The following TMEM132B variants were observed in gnomAD, a reference collection of about 807,000 sequenced individuals.
TMEM132B encodes the protein transmembrane protein 132B.
TMEM132B carries 18 observed loss-of-function variants against 90.8 expected under a neutral mutation model. The ratio of observed to expected loss-of-function variants is 0.20; its 90% confidence interval spans 0.14 to 0.29. TMEM132B has a LOEUF of 0.29. Among genes scored for constraint, TMEM132B ranks in the 10% least tolerant of loss-of-function variants. The pLI, the probability that TMEM132B is intolerant of heterozygous loss-of-function variation, is 1.00. For synonymous variants in TMEM132B, 504 were observed against 523.3 expected, an observed-to-expected ratio of 0.96 and a Z score of 0.50; for missense variants, 1,096 against 1,326.8, an observed-to-expected ratio of 0.83 and a Z score of 2.70.
rs60316781 is a variant in TMEM132B, at chr12:125,277,502, AACAC to A, written c.68-71926_68-71923del. 5.4e-4 allele frequency among the ~76,000 whole-genome samples: 77 copies of A among 143,166 alleles called. No homozygotes were observed. The highest frequency in any genetic ancestry group is 7.2e-4 in the African/African-American group (27 of 37,380). 93.9% of individuals were successfully genotyped at this position (143,166 alleles called of 152,430 possible). ...TCAAAAAAAAAAGATGAAGAGGGAG[AACAC>A]ACACACACACACACACACACACATA... On this transcript the variant is annotated intron_variant, in intron 1 of 8. Coordinates refer to ENST00000682704, the MANE Select transcript of TMEM132B (RefSeq NM_001366854.1). The surrounding 1 kb of genome is among the most constrained non-coding windows in gnomAD (Gnocchi z 4.3).
At chr12:125,374,452 T>G (rs1035321719) in intron 2 of TMEM132B, among the ~76,000 whole-genome samples, 5 of 151,494 alleles carry the variant, frequency 3.3e-5, no homozygotes, top group Non-Finnish European at 7.4e-5. Flanking sequence ...GTTTTTCCTT[T>G]GTTTAGATAT....
intron 1 of TMEM132B, among the ~76,000 whole-genome samples, chr12:125,296,850 A>G (rs7956580): frequency 0.82 from 125,203 of 152,204 alleles, 51,698 homozygotes; most frequent in African/African-American, 0.88. Flanking sequence ...GTTAGGGATT[A>G]CAGCAAAAGG....
Position 125,481,932 on chromosome 12 carries a change from C to T in TMEM132B, c.1107-37507C>T, listed in dbSNP as rs1882054603. Among the ~76,000 whole-genome samples the T allele has an allele frequency of 2.6e-5, 4 of 152,096 alleles. No homozygotes were observed. In the South Asian group the frequency reaches 8.3e-4, roughly 32 times the overall value. ...ACAGACCAATGGAACAGAACAGAGGCCTCAGAAATAACACCGCACATCTAC... is the reference window on the plus strand; with the variant it reads ...ACAGACCAATGGAACAGAACAGAGGTCTCAGAAATAACACCGCACATCTAC... On this transcript the variant is annotated intron_variant, in intron 3 of 8. Transcript: ENST00000682704.
At position 125,241,007 on chromosome 12, in the gene TMEM132B, C is replaced by T. The variant is rs143827212; in HGVS notation, c.67+54141C>T. 5.3e-5 allele frequency among the ~76,000 whole-genome samples: 8 copies of T among 152,206 alleles called. No homozygotes were observed. In the South Asian group the frequency reaches 6.2e-4, roughly 12 times the overall value. ...TGAACGGTGGTGGGCGGGGGTAGGG[C>T]GAGTACCTCCTTTAAAACAACGATT... On this transcript the variant is annotated intron_variant, in intron 1 of 8. Coordinates refer to ENST00000682704, the MANE Select transcript of TMEM132B (RefSeq NM_001366854.1).
chr12:125,309,048 T>C (rs1013691814), intron 1 of TMEM132B, among the ~76,000 whole-genome samples: 1 of 152,256 alleles, frequency 6.6e-6, no homozygotes, highest in South Asian at 2.1e-4. Context: ...TCTTTTTACC[T>C]GCTGTGTAAT....
intron 3 of TMEM132B, among the ~76,000 whole-genome samples, chr12:125,437,444 G>A (rs767281869): frequency 6.6e-6 from 1 of 152,166 alleles, no homozygotes; most frequent in Non-Finnish European, 1.5e-5. Context: ...TTTTGGGTAG[G>A]TGCCTAGCAG....
rs1199273884 is a variant in TMEM132B, at chr12:125,598,767, G to A, written c.1437+14773G>A. 2.6e-5 allele frequency among the ~76,000 whole-genome samples: 4 copies of A among 152,260 alleles called. No individual in the cohort carries two copies. In the East Asian group the frequency reaches 5.8e-4, roughly 22 times the overall value. On this transcript the variant is annotated intron_variant, in intron 5 of 8. Coordinates refer to ENST00000682704, the MANE Select transcript of TMEM132B (RefSeq NM_001366854.1). ...TGAGCATTGCGCCTCAGAGTCTGAGGTAAAGATGTGTTAATCATGACTCCT... is the reference window on the plus strand; with the variant it reads ...TGAGCATTGCGCCTCAGAGTCTGAGATAAAGATGTGTTAATCATGACTCCT...
intron 1 of TMEM132B, among the ~76,000 whole-genome samples, chr12:125,304,767 G>A (rs1393265397): frequency 3.3e-5 from 5 of 152,116 alleles, no homozygotes; most frequent in Non-Finnish European, 7.4e-5. Flanking sequence ...GGAGTTCAAG[G>A]CTGTAGTGCA....
At chr12:125,652,375 C>T (rs192033056) in intron 7 of TMEM132B, 66 bp from the exon 8 acceptor site, 2 of 1,447,136 alleles carry the variant, frequency 1.4e-6, no homozygotes, top group Non-Finnish European at 1.8e-6. Context: ...GTTGGGAGCC[C>T]CAGTTAAGGG....
chr12:125,332,883 CAA>C (rs72136261), intron 1 of TMEM132B, among the ~76,000 whole-genome samples: 4,544 of 152,196 alleles, frequency 0.03, 217 homozygotes, highest in African/African-American at 0.1. Flanking sequence ...AGAAAGAGAA[CAA>C]AAGATATTCT....
chr12:125,526,649 T>G (rs1883470778), intron 4 of TMEM132B, among the ~76,000 whole-genome samples: 1 of 152,194 alleles, frequency 6.6e-6, no homozygotes, highest in Non-Finnish European at 1.5e-5. Context: ...TTGTGTTGGT[T>G]GCTGTTGACA....
At chr12:125,613,176 T>A (rs12302638) in intron 5 of TMEM132B, among the ~76,000 whole-genome samples, 12,149 of 41,520 alleles carry the variant, frequency 0.29, 3,213 homozygotes, top group African/African-American at 0.47. Context: ...ATATTATATA[T>A]AAATATATAT....
At chr12:125,480,030 G>A (rs1219365015) in intron 3 of TMEM132B, among the ~76,000 whole-genome samples, 1 of 152,170 alleles carries the variant, frequency 6.6e-6, no homozygotes, top group African/African-American at 2.4e-5. Context: ...ATGAAATGAA[G>A]ACAGAAATAA....
chr12:125,641,968 C>T (rs1183280560), intron 5 of TMEM132B, among the ~76,000 whole-genome samples: 3 of 152,192 alleles, frequency 2.0e-5, no homozygotes, highest in African/African-American at 7.2e-5. Flanking sequence ...GTATCCACTG[C>T]AGGTTTCTAA....
intron 2 of TMEM132B, among the ~76,000 whole-genome samples, chr12:125,377,617 G>A (rs976426434): frequency 1.3e-5 from 2 of 152,106 alleles, no homozygotes; most frequent in Admixed American, 6.5e-5. Context: ...CTGGCTCAGG[G>A]ATCTAATTAT....
At chr12:125,543,396 A>C (rs181019245) in intron 4 of TMEM132B, among the ~76,000 whole-genome samples, 1 of 152,380 alleles carries the variant, frequency 6.6e-6, no homozygotes, top group East Asian at 1.9e-4. Context: ...TATTTACATA[A>C]AATTTACATC....
At chr12:125,257,728 A>G (rs904732161) in intron 1 of TMEM132B, among the ~76,000 whole-genome samples, 6 of 152,178 alleles carry the variant, frequency 3.9e-5, no homozygotes, top group African/African-American at 7.2e-5. Flanking sequence ...TCAAAGTGTT[A>G]GAGGTGGGCA....
intron 5 of TMEM132B, among the ~76,000 whole-genome samples, chr12:125,621,446 G>C (rs887936205): frequency 5.3e-5 from 8 of 152,210 alleles, no homozygotes; most frequent in African/African-American, 1.9e-4. Flanking sequence ...ATGGGAGCGG[G>C]GCTTGAGGTT....
chr12:125,519,297 C>T (rs1592970573), intron 3 of TMEM132B, 142 bp from the exon 4 acceptor site: 1 of 828,708 alleles, frequency 1.2e-6, no homozygotes, highest in Non-Finnish European at 1.8e-6. Flanking sequence ...GAATTAGGCT[C>T]CGACAACACT....
Sources: gnomAD v4.1 joint callset for allele counts (sites outside exome capture counted in the v4.1 genomes callset) on GRCh38, gnomAD v4.1.1 for gene constraint, Gnocchi (gnomAD v3.1) non-coding constraint, MANE v1.5 for transcripts, NCBI Gene and HGNC (gene_info 2026-07-23, HGNC 2026-07-21) for gene names.